The following WWOX variants were observed in gnomAD, a reference collection of about 807,000 sequenced individuals.
WWOX encodes the protein WW domain-containing oxidoreductase.
WWOX carries 69 observed loss-of-function variants against 46.2 expected under a neutral mutation model. The observed-to-expected ratio is 1.49, with a 90% CI of 1.23 to 1.82. The LOEUF (loss-of-function observed/expected upper bound fraction) is 1.82, where lower values mean the gene tolerates loss of function less well. Ranked by LOEUF, WWOX falls within the 40% of genes most tolerant of loss-of-function variation. The pLI is 0.00. For missense variants in WWOX, 919 were observed against 542.6 expected (o/e 1.69, Z -6.89); for synonymous variants, 359 against 202.6 (o/e 1.77, Z -6.56).
At chr16:78,685,234 T>C (rs2142246505) in intron 8 of WWOX, among the ~76,000 whole-genome samples, 1 of 152,280 alleles carries the variant, frequency 6.6e-6, no homozygotes, top group South Asian at 2.1e-4. Context: ...TATTCCCTAA[T>C]GGTAGAGTCA....
chr16:78,395,721 A>G (rs1161126588), intron 6 of WWOX, among the ~76,000 whole-genome samples: 1 of 151,868 alleles, frequency 6.6e-6, no homozygotes, highest in Non-Finnish European at 1.5e-5. Flanking sequence ...AAAGTACTTT[A>G]TTACTCTACT....
At chr16:78,558,445 C>T (rs1284797331) in intron 8 of WWOX, among the ~76,000 whole-genome samples, 1 of 152,244 alleles carries the variant, frequency 6.6e-6, no homozygotes, top group East Asian at 1.9e-4. Context: ...GCAGATCTGG[C>T]ATCCTTTGCC....
chr16:78,909,783 G>A (rs2045061621), intron 8 of WWOX, among the ~76,000 whole-genome samples: 1 of 152,302 alleles, frequency 6.6e-6, no homozygotes, highest in Admixed American at 6.5e-5. Context: ...TAGTCCAAAT[G>A]TAGAGGGTCA....
intron 8 of WWOX, among the ~76,000 whole-genome samples, chr16:78,641,624 A>T (rs1391076566): frequency 6.6e-6 from 1 of 152,192 alleles, no homozygotes; most frequent in Non-Finnish European, 1.5e-5. Context: ...TTTCCTGCAG[A>T]TGCCCGGCTC....
intron 1 of WWOX, among the ~76,000 whole-genome samples, chr16:78,103,070 T>A (rs962070986): frequency 4.6e-5 from 7 of 152,130 alleles, no homozygotes; most frequent in Non-Finnish European, 1.0e-4. Context: ...GCTCCCTTGC[T>A]CCTGCGTGCC....
chr16:78,772,773 C>G (rs932659245), intron 8 of WWOX, among the ~76,000 whole-genome samples: 6 of 152,124 alleles, frequency 3.9e-5, no homozygotes, highest in South Asian at 2.1e-4. Flanking sequence ...AATCTCAGCG[C>G]TTTGTGGGGC....
At chr16:78,784,138 A>G (rs960835202) in intron 8 of WWOX, among the ~76,000 whole-genome samples, 1 of 152,180 alleles carries the variant, frequency 6.6e-6, no homozygotes, top group African/African-American at 2.4e-5. Flanking sequence ...AATTCTTATA[A>G]CAACCCTATA....
At chr16:79,126,217 C>T (rs969417991) in intron 8 of WWOX, among the ~76,000 whole-genome samples, 9 of 151,858 alleles carry the variant, frequency 5.9e-5, no homozygotes, top group African/African-American at 2.2e-4. Context: ...AGAGCTTGGG[C>T]TTTGGGGTGC....
At chr16:78,617,631 C>G (rs907596957) in intron 8 of WWOX, among the ~76,000 whole-genome samples, 3 of 152,124 alleles carry the variant, frequency 2.0e-5, no homozygotes, top group Non-Finnish European at 2.9e-5. Context: ...CAATCCCAAA[C>G]TAGAAGTGAG....
intron 8 of WWOX, among the ~76,000 whole-genome samples, chr16:78,580,926 G>A (rs1341277842): frequency 1.3e-5 from 2 of 152,142 alleles, no homozygotes; most frequent in Non-Finnish European, 2.9e-5. Context: ...GTCTAATTTA[G>A]TAGCCAGCTA....
At chr16:78,650,603 G>A (rs772029584) in intron 8 of WWOX, among the ~76,000 whole-genome samples, 1 of 152,210 alleles carries the variant, frequency 6.6e-6, no homozygotes, top group Non-Finnish European at 1.5e-5. Flanking sequence ...TTGAGATTAT[G>A]TAATTAGCAT....
At chr16:78,560,670 C>T (rs1445665767) in intron 8 of WWOX, among the ~76,000 whole-genome samples, 5 of 151,502 alleles carry the variant, frequency 3.3e-5, no homozygotes, top group African/African-American at 9.8e-5. Flanking sequence ...AATAATGTTA[C>T]AATAATAATA....
chr16:78,919,082 T>C (rs1156476358), intron 8 of WWOX, among the ~76,000 whole-genome samples: 2 of 152,144 alleles, frequency 1.3e-5, no homozygotes, highest in East Asian at 3.8e-4. Flanking sequence ...CTGTTCCTCA[T>C]TTCCAATTGA....
chr16:78,204,681 A>G (rs1198300677), intron 5 of WWOX, among the ~76,000 whole-genome samples: 3 of 152,182 alleles, frequency 2.0e-5, no homozygotes, highest in Admixed American at 6.5e-5. Flanking sequence ...TTCTGTTGCC[A>G]TCTGCATCAT....
In WWOX at chr16:78,249,152, G is replaced by A. The variant is rs2037911727; in HGVS notation, c.516+84863G>A. On this transcript the variant is annotated intron_variant, in intron 5 of 8. Coordinates refer to ENST00000566780, the MANE Select transcript of WWOX (RefSeq NM_016373.4). Reference sequence around the variant, plus strand: ...ACAGGCGTGAGCCACCGTGTCTGGCGTCATGCCCCGTTTTATAGATGACAA... The same window carrying A: ...ACAGGCGTGAGCCACCGTGTCTGGCATCATGCCCCGTTTTATAGATGACAA... Among the ~76,000 whole-genome samples, 3 of 152,072 alleles carry A rather than the reference G, an allele frequency of 2.0e-5. No homozygotes were observed. The South Asian group carries it at 6.2e-4, about 32-fold the overall frequency.
At chr16:78,284,700 T>C (rs911971548) in intron 5 of WWOX, among the ~76,000 whole-genome samples, 1 of 152,168 alleles carries the variant, frequency 6.6e-6, no homozygotes, top group Non-Finnish European at 1.5e-5. Context: ...AAAATAATAG[T>C]AAATTCTCTT....
intron 8 of WWOX, among the ~76,000 whole-genome samples, chr16:78,503,057 CT>C (rs2085109417): frequency 6.6e-6 from 1 of 152,182 alleles, no homozygotes; most frequent in Non-Finnish European, 1.5e-5. Context: ...GTATTTGAGC[CT>C]TCTAACAACA....
At chr16:78,851,045 T>C (rs1351595780) in intron 8 of WWOX, among the ~76,000 whole-genome samples, 1 of 152,182 alleles carries the variant, frequency 6.6e-6, no homozygotes, top group East Asian at 1.9e-4. Flanking sequence ...ATGTGAGTTA[T>C]TTGAAAGAGG....
chr16:78,588,392 C>A (rs930401199), intron 8 of WWOX, among the ~76,000 whole-genome samples: 1 of 151,998 alleles, frequency 6.6e-6, no homozygotes, highest in African/African-American at 2.4e-5. Context: ...CTTGGGGGGC[C>A]AGGATGGGGC....
Sources: gnomAD v4.1 joint callset for allele counts (sites outside exome capture counted in the v4.1 genomes callset) on GRCh38, gnomAD v4.1.1 for gene constraint, MANE v1.5 for transcripts, NCBI Gene and HGNC (gene_info 2026-07-23, HGNC 2026-07-21) for gene names.